The following QRSL1 variants were observed in gnomAD, a reference collection of about 807,000 sequenced individuals.
QRSL1 encodes the protein glutaminyl-tRNA amidotransferase subunit QRSL1.
A neutral mutation model predicts 61.6 loss-of-function variants in QRSL1; 54 were observed. That is an observed-to-expected ratio of 0.88 (90% CI 0.70 to 1.10). The LOEUF (loss-of-function observed/expected upper bound fraction) is 1.10. QRSL1 is among the 50% of genes least tolerant of loss of function. The pLI is 0.00. For missense variants in QRSL1, 505 were observed against 622.6 expected (o/e 0.81, Z 2.01); for synonymous variants, 228 against 225.7 (o/e 1.01, Z -0.09).
At chr6:106,664,077 C>A (rs1488115232) in intron 10 of QRSL1, among the ~76,000 whole-genome samples, 1 of 152,136 alleles carries the variant, frequency 6.6e-6, no homozygotes, top group Non-Finnish European at 1.5e-5. Context: ...ACCACAATTC[C>A]ATTGTCATAC....
intron 9 of QRSL1, among the ~76,000 whole-genome samples, chr6:106,662,061 AT>A (rs969160591): frequency 1.4e-4 from 21 of 151,600 alleles, no homozygotes; most frequent in African/African-American, 4.6e-4. Context: ...AATCTAAAGG[AT>A]TTTTTTTCCT....
At chr6:106,631,458 G>A (rs531864287) in intron 1 of QRSL1, among the ~76,000 whole-genome samples, 1 of 152,306 alleles carries the variant, frequency 6.6e-6, no homozygotes, top group African/African-American at 2.4e-5. Flanking sequence ...GGCAAGGGAT[G>A]TTTTTAAAGA....
intron 2 of QRSL1, 56 bp downstream of exon 2, chr6:106,640,564 T>C: frequency 3.6e-6 from 5 of 1,399,564 alleles, no homozygotes; most frequent in Non-Finnish European, 4.8e-6. Context: ...TTTAATTGTT[T>C]GTAGCAGTCT....
chr6:106,659,951 G>T (rs1777330118), intron 9 of QRSL1, among the ~76,000 whole-genome samples: 1 of 152,142 alleles, frequency 6.6e-6, no homozygotes, highest in Admixed American at 6.5e-5. Context: ...TGCACTCATA[G>T]ATCAGTACTC....
Position 106,652,326 on chromosome 6 carries a change from T to C in QRSL1, c.675T>C (p.Asn225=). The C allele has an allele frequency of 6.2e-7, 1 of 1,614,202 alleles. No homozygotes were observed. Among genetic ancestry groups the C allele is most frequent in the Non-Finnish European group, 8.5e-7 (1 of 1,180,042 alleles). ...GTCATGGTCTCATTCCCCTGGTGAA[T>C]TCGATGGATGTGCCAGGAATCTTAA... ...VSRHGLIPLV[N]SMDVPGILTR... The change falls in exon 6 of 11, where the codon AAT becomes AAC. Residue 225 remains asparagine (N), a synonymous_variant. Transcript: ENST00000369046.
At position 106,640,505 on chromosome 6, in the gene QRSL1, A is replaced by G. The variant is rs746509227; in HGVS notation, c.181A>G (p.Asn61Asp). 9.1e-5 allele frequency: 143 copies of G among 1,565,276 alleles called. No homozygotes were observed. Among genetic ancestry groups the G allele is most frequent in the Non-Finnish European group, 1.2e-4 (138 of 1,161,144 alleles). ...QAEESEKRYK[N>D]GQSLGDLDGI... ...TGAAGAATCAGAAAAGAGATATAAGAATGGTAAATTGCTTTTAACTATACT... is the reference window on the plus strand; with the variant it reads ...TGAAGAATCAGAAAAGAGATATAAGGATGGTAAATTGCTTTTAACTATACT... The change falls in exon 2 of 11, where the codon AAT (asparagine) becomes GAT (aspartate). Residue 61 changes from asparagine to aspartate, a missense_variant. Physicochemically the swap from Asn to Asp is conservative, Grantham distance 23. Transcript: ENST00000369046.
At position 106,668,168 on chromosome 6, in the gene QRSL1, C is replaced by A. The variant is rs1777471136; in HGVS notation, c.*2166C>A. 1 of 152,046 alleles carries A rather than the reference C, an allele frequency of 6.6e-6. No homozygotes were observed. The highest frequency in any genetic ancestry group is 2.4e-5 in the African/African-American group (1 of 41,384). 9.4% of individuals were successfully genotyped at this position (152,046 alleles called of 1,614,324 possible). On this transcript the variant is annotated 3_prime_UTR_variant, in exon 11 of 11. Transcript: ENST00000369046. ...AATATTATTTCAAATAATATTAAATCTCTTGTTCCTGTATCTCTACATGAG... is the reference window on the plus strand; with the variant it reads ...AATATTATTTCAAATAATATTAAATATCTTGTTCCTGTATCTCTACATGAG...
chr6:106,642,866 G>A, intron 3 of QRSL1, 128 bp from the exon 4 acceptor site: 1 of 797,374 alleles, frequency 1.3e-6, no homozygotes. Context: ...AGCGCACTGT[G>A]TGAGAACCAA....
At chr6:106,648,605 T>C (rs1404985897) in intron 4 of QRSL1, among the ~76,000 whole-genome samples, 1 of 152,220 alleles carries the variant, frequency 6.6e-6, no homozygotes, top group African/African-American at 2.4e-5. Flanking sequence ...ATTTTTGCAA[T>C]TTATCTGAGA....
At chr6:106,660,339 G>A (rs916011965) in intron 9 of QRSL1, among the ~76,000 whole-genome samples, 17 of 100,308 alleles carry the variant, frequency 1.7e-4, no homozygotes, top group Non-Finnish European at 1.7e-4. Context: ...CACCCCCCCC[G>A]TGAAGCTAGG....
intron 5 of QRSL1, 91 bp downstream of exon 5, chr6:106,649,292 G>T: frequency 5.2e-6 from 7 of 1,346,314 alleles, no homozygotes; most frequent in South Asian, 1.4e-5. Context: ...TCATATCCTG[G>T]TATTTTTCTT....
rs145463948 is a variant in QRSL1, at chr6:106,631,310, G to A, written c.24+1605G>A. ...AATTAAATACAACCTATAAAAATAT[G>A]TTATTTCCTTTTTCTGCCTTTTCCA... On this transcript the variant is annotated intron_variant, in intron 1 of 10. Coordinates refer to ENST00000369046, the MANE Select transcript of QRSL1 (RefSeq NM_018292.5). Among the ~76,000 whole-genome samples the A allele has an allele frequency of 3.4e-3, 513 of 152,252 alleles. 5 individuals are homozygous for A. The highest frequency in any genetic ancestry group is 0.012 in the African/African-American group (481 of 41,558).
At chr6:106,660,188 A>G (rs1423458106) in intron 9 of QRSL1, among the ~76,000 whole-genome samples, 1 of 149,890 alleles carries the variant, frequency 6.7e-6, no homozygotes, top group Non-Finnish European at 1.5e-5. Context: ...CAAAGGGCAT[A>G]TCTCATTTTC....
At chr6:106,645,099 C>T (rs1777087702) in intron 4 of QRSL1, among the ~76,000 whole-genome samples, 1 of 152,146 alleles carries the variant, frequency 6.6e-6, no homozygotes, top group Non-Finnish European at 1.5e-5. Context: ...ATTCCAGTGT[C>T]ACACCATCTT....
At chr6:106,664,672 C>T (rs963078831) in intron 10 of QRSL1, among the ~76,000 whole-genome samples, 3 of 152,194 alleles carry the variant, frequency 2.0e-5, no homozygotes, top group Admixed American at 6.5e-5. Context: ...TTGAGTTAAA[C>T]ATTTTTGGTA....
chr6:106,660,336 C>T (rs541542284), intron 9 of QRSL1, among the ~76,000 whole-genome samples: 90 of 151,730 alleles, frequency 5.9e-4, no homozygotes, highest in African/African-American at 2.0e-3. Flanking sequence ...CCCCACCCCC[C>T]CCGTGAAGCT....
Position 106,652,236 on chromosome 6 carries a change from G to C in QRSL1, c.585G>C (p.Ser195=), listed in dbSNP as rs768184246. Residue 195 remains serine, a synonymous_variant, in exon 6 of 11, where the codon TCG becomes TCC. Transcript: ENST00000369046. ...CTTTAGGATCAGATACAGGAGGATC[G>C]ACCAGAAATCCTGCTGCCCACTGTG... ...YAALGSDTGG[S]TRNPAAHCGL... 3 of 1,613,852 alleles carry C rather than the reference G, an allele frequency of 1.9e-6. No individual in the cohort carries two copies. Among genetic ancestry groups the C allele is most frequent in the Non-Finnish European group, 2.5e-6 (3 of 1,179,932 alleles).
chr6:106,655,556 C>A, intron 8 of QRSL1, 59 bp from the exon 9 acceptor site: 1 of 1,128,266 alleles, frequency 8.9e-7, no homozygotes, highest in Non-Finnish European at 1.3e-6. Context: ...CTGATTTTAG[C>A]CAAAACTTTA....
At position 106,667,756 on chromosome 6, in the gene QRSL1, G is replaced by C. The variant is rs886284555; in HGVS notation, c.*1754G>C. The C allele has an allele frequency of 1.3e-5, 2 of 152,020 alleles. No individual in the cohort carries two copies. The highest frequency in any genetic ancestry group is 4.8e-5 in the African/African-American group (2 of 41,386). The allele number at this position is 152,020 out of a possible 1,614,324, so 9.4% of individuals were successfully genotyped here. On this transcript the variant is annotated 3_prime_UTR_variant, in exon 11 of 11. Transcript: ENST00000369046. Reference sequence around the variant, plus strand: ...TAATATTCCTATAGATTTTGACTCTGAATCCCTGAAAGAGGAAGAAATCCA... The same window carrying C: ...TAATATTCCTATAGATTTTGACTCTCAATCCCTGAAAGAGGAAGAAATCCA...
Sources: allele counts gnomAD v4.1 joint callset (sites outside exome capture counted in the v4.1 genomes callset), GRCh38; gene constraint gnomAD v4.1.1; transcripts MANE v1.5; gene names NCBI Gene and HGNC (gene_info 2026-07-23, HGNC 2026-07-21).